Variants in CHI3L2 observed in about 807,000 individuals in gnomAD.
CHI3L2 encodes the protein chitinase-3-like protein 2.
A neutral mutation model predicts 47.3 loss-of-function variants in CHI3L2; 47 were observed. The ratio of observed to expected loss-of-function variants is 0.99; its 90% CI spans 0.79 to 1.27. CHI3L2 has a LOEUF of 1.27. Ranked by LOEUF, CHI3L2 falls within the 50% of genes most tolerant of loss-of-function variation. The probability of loss-of-function intolerance (pLI) is 0.00; values close to 1 mark genes in which losing one functional copy is unlikely to be tolerated. For missense variants in CHI3L2, 497 were observed against 462.1 expected (o/e 1.08, Z -0.69); for synonymous variants, 198 against 169.9 (o/e 1.17, Z -1.28).
chr1:111,238,695 G>A (rs1659955594), intron 7 of CHI3L2, 55 bp from the exon 8 acceptor site: 1 of 1,583,278 alleles, frequency 6.3e-7, no homozygotes, highest in East Asian at 2.2e-5. Flanking sequence ...GCTAAAAAAG[G>A]TCTGACACCT....
chr1:111,234,807 T>C (rs969071023), intron 4 of CHI3L2, 100 bp from the exon 5 acceptor site: 16 of 1,086,098 alleles, frequency 1.5e-5, no homozygotes, highest in African/African-American at 3.1e-5. Flanking sequence ...TAAGTGAATA[T>C]TGGGGAAGAG....
chr1:111,230,349 G>A (rs964720332), intron 2 of CHI3L2, among the ~76,000 whole-genome samples: 2 of 152,068 alleles, frequency 1.3e-5, no homozygotes, highest in Non-Finnish European at 2.9e-5. Context: ...GACCTCCCAG[G>A]CTCAAACAAT....
intron 8 of CHI3L2, 39 bp downstream of exon 8, chr1:111,238,971 G>A (rs1659968877): frequency 6.6e-7 from 1 of 1,525,190 alleles, no homozygotes; most frequent in Admixed American, 2.3e-5. Flanking sequence ...TCCCTGCCAT[G>A]TCTGGGTAGA....
chr1:111,238,997 T>A lies in CHI3L2; in HGVS notation c.918+65T>A, dbSNP rs535477787. ...TCTGGGTAGATGTTCCATCTTCAAT[T>A]TGACAGCAGAGTAAAGCATCCTGAG... On this transcript the variant is annotated intron_variant, in intron 8 of 10. Coordinates refer to ENST00000369748, the MANE Select transcript of CHI3L2 (RefSeq NM_004000.3). 8.4e-5 allele frequency: 123 copies of A among 1,455,712 alleles called. 2 individuals carry two copies. The East Asian group carries it at 2.9e-3, about 34-fold the overall frequency. 90.2% of individuals were successfully genotyped at this position (1,455,712 alleles called of 1,614,324 possible). A position where few individuals can be genotyped will look rare whatever the true frequency, so the allele number is the denominator to read the frequency against.
chr1:111,227,884 T>A, intron 1 of CHI3L2, 115 bp downstream of exon 1: 1 of 1,085,238 alleles, frequency 9.2e-7, no homozygotes, highest in Non-Finnish European at 1.4e-6. Context: ...CCGTTGACCT[T>A]AGTGTCAAAA....
intron 4 of CHI3L2, among the ~76,000 whole-genome samples, chr1:111,233,096 T>C (rs1161755515): frequency 6.6e-6 from 1 of 152,210 alleles, no homozygotes; most frequent in Non-Finnish European, 1.5e-5. Flanking sequence ...CAGTATCTCA[T>C]CTACAGCTTT....
At position 111,227,729 on chromosome 1, in the gene CHI3L2, T is replaced by C; in HGVS notation, c.-1T>C. On this transcript the variant is annotated 5_prime_UTR_variant, in exon 1 of 11. Transcript: ENST00000369748. ...TATCCCAGAAGAAGCTGGCCAAGGA[T>C]ATGGGAGCAACCACCATGGACCAGA... 6.2e-7 allele frequency: 1 copy of C among 1,614,074 alleles called. No homozygotes were observed. The highest frequency in any genetic ancestry group is 2.2e-5 in the East Asian group (1 of 44,878).
chr1:111,238,907 C>T lies in CHI3L2; in HGVS notation c.893C>T (p.Ser298Phe). The T allele has an allele frequency of 6.2e-7, 1 of 1,605,732 alleles. No homozygotes were observed. The highest frequency in any genetic ancestry group is 1.7e-4 in the Middle Eastern group (1 of 5,994). The part of the protein sequence containing the change: ...GPGAAGPITE[S>F]SGFLAYYEIC... Reference sequence around the variant, plus strand: ...GGAGCTGCTGGACCCATCACAGAGTCTTCAGGCTTCCTGGCCTATTATGAG... The same window carrying T: ...GGAGCTGCTGGACCCATCACAGAGTTTTCAGGCTTCCTGGCCTATTATGAG... Residue 298 changes from serine to phenylalanine, a missense_variant, in exon 8 of 11, where the codon TCT becomes TTT. Ser to Phe is a radical substitution (Grantham distance 155). Coordinates refer to ENST00000369748, the MANE Select transcript of CHI3L2 (RefSeq NM_004000.3).
intron 7 of CHI3L2, 90 bp from the exon 8 acceptor site, chr1:111,238,660 C>A: frequency 2.2e-6 from 3 of 1,350,132 alleles, no homozygotes; most frequent in Non-Finnish European, 3.1e-6. Context: ...ACCAGGCAGT[C>A]ACCTCTGTGA....
intron 2 of CHI3L2, 39 bp downstream of exon 2, chr1:111,229,920 G>A: frequency 6.2e-7 from 1 of 1,611,834 alleles, no homozygotes; most frequent in Non-Finnish European, 8.5e-7. Context: ...GGATCTCCTG[G>A]CTTGGGTGCT....
rs1660057758 is a variant in CHI3L2, at chr1:111,241,521, A to C, written c.1035+78A>C. On this transcript the variant is annotated intron_variant, in intron 9 of 10. Transcript: ENST00000369748. ...TAAAATGCCTGAATACTCTATGTTC[A>C]AAGAGAGAAGCTTCTGAGGCCCCAG... 6.5e-6 allele frequency: 5 copies of C among 769,714 alleles called. No individual in the cohort carries two copies. The South Asian group carries it at 6.6e-5, about 10-fold the overall frequency. The allele number at this position is 769,714 out of a possible 1,614,324, so 47.7% of individuals were successfully genotyped here. A position where few individuals can be genotyped will look rare whatever the true frequency, so the allele number is the denominator to read the frequency against.
At chr1:111,238,230 C>G (rs747002140) in intron 7 of CHI3L2, among the ~76,000 whole-genome samples, 2 of 152,220 alleles carry the variant, frequency 1.3e-5, no homozygotes, top group Non-Finnish European at 2.9e-5. Flanking sequence ...TCCTCAGGAT[C>G]TCCTGAGAGC....
At chr1:111,227,861 G>A (rs916760678) in intron 1 of CHI3L2, 92 bp downstream of exon 1, 3 of 1,295,318 alleles carry the variant, frequency 2.3e-6, no homozygotes, top group Admixed American at 3.5e-5. Context: ...CCTTTCCTGG[G>A]ACTTCAGTCT....
At chr1:111,229,919 G>C in intron 2 of CHI3L2, 38 bp downstream of exon 2, 1 of 1,612,360 alleles carries the variant, frequency 6.2e-7, no homozygotes, top group South Asian at 1.1e-5. Flanking sequence ...TGGATCTCCT[G>C]GCTTGGGTGC....
At chr1:111,236,266 G>C in intron 7 of CHI3L2, 113 bp downstream of exon 7, 8 of 1,199,600 alleles carry the variant, frequency 6.7e-6, no homozygotes, top group South Asian at 6.1e-5. Context: ...ATGAGCCCAA[G>C]AGGGAATTGG....
intron 1 of CHI3L2, 106 bp from the exon 2 acceptor site, chr1:111,229,746 T>C: frequency 1.3e-6 from 2 of 1,484,972 alleles, no homozygotes; most frequent in Non-Finnish European, 1.8e-6. Context: ...AGATGAAGTG[T>C]GGCTCTATCT....
At chr1:111,228,770 A>G (rs1659603250) in intron 1 of CHI3L2, among the ~76,000 whole-genome samples, 1 of 152,166 alleles carries the variant, frequency 6.6e-6, no homozygotes, top group South Asian at 2.1e-4. Flanking sequence ...TGGACCCGTA[A>G]AGGTTTCAGA....
At chr1:111,231,374 A>ATATTAAACTAGGCTT in intron 4 of CHI3L2, 80 bp downstream of exon 4, 2 of 1,094,936 alleles carry the variant, frequency 1.8e-6, no homozygotes, top group Non-Finnish European at 2.8e-6. Context: ...CTAAGAAGAG[A>ATATTAAACTAGGCTT]TATTAAACTA....
At chr1:111,231,778 A>G (rs1453288355) in intron 4 of CHI3L2, among the ~76,000 whole-genome samples, 1 of 152,248 alleles carries the variant, frequency 6.6e-6, no homozygotes, top group Non-Finnish European at 1.5e-5. Flanking sequence ...CAGCACCATC[A>G]GAGCAGCAGA....
Sources: gnomAD v4.1 joint callset for allele counts (sites outside exome capture counted in the v4.1 genomes callset) on GRCh38, gnomAD v4.1.1 for gene constraint, MANE v1.5 for transcripts, NCBI Gene and HGNC (gene_info 2026-07-23, HGNC 2026-07-21) for gene names.